Variants in ABCA12 observed in about 807,000 individuals in gnomAD.
The protein encoded by ABCA12 is ATP binding cassette subfamily A member 12, also known as glucosylceramide transporter ABCA12.
In ABCA12, 156 loss-of-function variants were observed where a neutral mutation model predicts 293.5. The ratio of observed to expected loss-of-function variants is 0.53; its 90% CI spans 0.47 to 0.61. The LOEUF (loss-of-function observed/expected upper bound fraction) is 0.61. ABCA12 is among the 20% of genes least tolerant of loss of function. ABCA12 has a pLI of 0.00. For synonymous variants in ABCA12, 1,063 were observed against 1,108.0 expected (o/e 0.96, Z 0.81); for missense variants, 2,797 against 3,090.2 (o/e 0.91, Z 2.25).
chr2:215,125,620 G>A (rs1467210220), intron 1 of ABCA12, among the ~76,000 whole-genome samples: 2 of 151,942 alleles, frequency 1.3e-5, no homozygotes, highest in Non-Finnish European at 2.9e-5. Flanking sequence ...GTGTAGAGAA[G>A]AGCTACTGAT....
chr2:214,988,013 A>G (rs961913278), intron 26 of ABCA12, among the ~76,000 whole-genome samples: 2 of 152,190 alleles, frequency 1.3e-5, no homozygotes, highest in Non-Finnish European at 2.9e-5. Context: ...ACTAAAACTT[A>G]TCTAACTGTA....
chr2:214,981,523 A>G (rs907099425), intron 30 of ABCA12, among the ~76,000 whole-genome samples: 3 of 152,132 alleles, frequency 2.0e-5, no homozygotes, highest in East Asian at 1.9e-4. Context: ...TTGGATTTGC[A>G]TGCTCTCAAA....
At position 215,001,585 on chromosome 2, in the gene ABCA12, G is replaced by A. The variant is rs748846180; in HGVS notation, c.2836C>T (p.Leu946Phe). 1.2e-6 allele frequency: 2 copies of A among 1,613,724 alleles called. No individual in the cohort carries two copies. The highest frequency in any genetic ancestry group is 1.1e-5 in the South Asian group (1 of 91,072). The change falls in exon 21 of 53, where the codon CTC (leucine) becomes TTC (phenylalanine). Residue 946 changes from leucine to phenylalanine, a missense_variant. Physicochemically the swap from Leu to Phe is conservative, Grantham distance 22. This residue lies in a region of ABCA12 where 2,130 missense variants were observed against 2,427.0 expected (regional missense o/e 0.88). Coordinates refer to ENST00000272895, the MANE Select transcript of ABCA12 (RefSeq NM_173076.3). ...IDEMEREAKR[L>F]YKSNELFGSV... ...CCAAAGAGTTCGTTGCTTTTGTAGA[G>A]CCTTTTAGCCTCTCTCTCCATTTCA... is the stretch of plus-strand genomic sequence containing the variant.
rs780924472 is a variant in ABCA12 at position 215,054,591 on chromosome 2, T to C, written c.391A>G (p.Arg131Gly). 2 of 1,611,998 alleles carry C rather than the reference T, an allele frequency of 1.2e-6. No individual in the cohort carries two copies. Among genetic ancestry groups the C allele is most frequent in the Non-Finnish European group, 1.7e-6 (2 of 1,178,448 alleles). Reference protein sequence around the residue: ...LSFQSTQVPERRHASLATVFP... With the variant: ...LSFQSTQVPEGRHASLATVFP... The stretch of plus-strand genomic sequence containing the variant: ...AGCTTACCTAGTGATGCATGCCTTC[T>C]TTCTGGAACTTGGGTGCTCTGGAAT... The change falls in exon 4 of 53, where the codon AGA (arginine) becomes GGA (glycine). Residue 131 changes from arginine (R) to glycine (G), a missense_variant. Around this residue, in one of 3 missense-constraint regions of ABCA12, gnomAD observed 656 missense variants for 638.2 expected, o/e 1.03. Transcript: ENST00000272895.
At position 214,981,968 on chromosome 2, in the gene ABCA12, TATTA is replaced by T. The variant is rs1247632719; in HGVS notation, c.4579+215_4579+218del. Among the ~76,000 whole-genome samples the T allele has an allele frequency of 2.5e-4, 31 of 124,486 alleles. 1 individual carries two copies. The highest frequency in any genetic ancestry group is 8.8e-4 in the African/African-American group (26 of 29,430). 81.7% of individuals were successfully genotyped at this position (124,486 alleles called of 152,430 possible). Reference sequence around the variant, plus strand: ...TTATTATTATTATTATTATTATTATTATTATTATTATTATTATTTTATTATTATT... The same window carrying T: ...TTATTATTATTATTATTATTATTATTTTATTATTATTATTTTATTATTATT... On this transcript the variant is annotated intron_variant, in intron 30 of 52. Transcript: ENST00000272895.
chr2:214,955,260 T>G lies in ABCA12; in HGVS notation c.6335A>C (p.Asn2112Thr). 1 of 1,614,118 alleles carries G rather than the reference T, an allele frequency of 6.2e-7. No homozygotes were observed. The highest frequency in any genetic ancestry group is 8.5e-7 in the Non-Finnish European group (1 of 1,179,980). The change falls in exon 43 of 53, where the codon AAT (asparagine) becomes ACT (threonine). Residue 2112 changes from asparagine to threonine, a missense_variant. By Grantham distance (65) the Asn-to-Thr change is moderately conservative. This residue lies in a region of ABCA12 where 2,130 missense variants were observed against 2,427.0 expected (regional missense o/e 0.88). Transcript: ENST00000272895. ...YVCVNLFFGINSIVSLSVVYF... is the reference protein window; with the variant it reads ...YVCVNLFFGITSIVSLSVVYF... ...TACCACTGACAGGGAAACAATGGAATTAATGCCAAAAAACAAGTTGACACA... is the reference window on the plus strand; with the variant it reads ...TACCACTGACAGGGAAACAATGGAAGTAATGCCAAAAAACAAGTTGACACA...
In ABCA12 at chr2:214,932,087, G is replaced by GTGAC. The variant is rs1220924632; in HGVS notation, c.*543_*546dup. On this transcript the variant is annotated 3_prime_UTR_variant, in exon 53 of 53. Coordinates refer to ENST00000272895, the MANE Select transcript of ABCA12 (RefSeq NM_173076.3). ...CCCCATGCATTCACAGGTACCGAAA[G>GTGAC]TGACATACACATACATTGTAAACAT... 6.4e-6 allele frequency: 1 copy of GTGAC among 157,062 alleles called. No homozygotes were observed. The highest frequency in any genetic ancestry group is 2.6e-5 in the African/African-American group (1 of 38,534). 9.7% of individuals were successfully genotyped at this position (157,062 alleles called of 1,614,324 possible).
At chr2:214,935,523 G>A (rs1698191682) in intron 51 of ABCA12, among the ~76,000 whole-genome samples, 1 of 152,212 alleles carries the variant, frequency 6.6e-6, no homozygotes, top group Non-Finnish European at 1.5e-5. Context: ...TAGGCCGAGT[G>A]TGGTGGCTCA....
rs182421873 is a variant in ABCA12, at chr2:215,030,439, A to C, written c.1061+1382T>G. Among the ~76,000 whole-genome samples the C allele has an allele frequency of 8.2e-3, 1,015 of 123,522 alleles. 20 individuals are homozygous for C. The highest frequency in any genetic ancestry group is 0.036 in the African/African-American group (961 of 26,682). 81.0% of individuals were successfully genotyped at this position (123,522 alleles called of 152,430 possible). On this transcript the variant is annotated intron_variant, in intron 9 of 52. Coordinates refer to ENST00000272895, the MANE Select transcript of ABCA12 (RefSeq NM_173076.3). The stretch of plus-strand genomic sequence containing the variant: ...GAAACCCCGTCTCTACTAACAATAC[A>C]AAAAAAAAAAAAAAATTAGCCAGGC...
In ABCA12 at chr2:214,947,474, C is replaced by G. The variant is rs1266010256; in HGVS notation, c.7187G>C (p.Arg2396Thr). Residue 2396 changes from arginine (R) to threonine (T), a missense_variant, in exon 48 of 53, where the codon AGA (arginine) becomes ACA (threonine). Physicochemically the swap from Arg to Thr is moderately conservative, Grantham distance 71. This residue lies in a region of ABCA12 where 2,130 missense variants were observed against 2,427.0 expected (regional missense o/e 0.88). Transcript: ENST00000272895. ...ATSMCSYGTK[R>T]KLSTALALIG... ...CAAGGCCAGTGCAGTGGATAATTTTCTTTTTGTGCCATAACTGCACATAGA... is the reference window on the plus strand; with the variant it reads ...CAAGGCCAGTGCAGTGGATAATTTTGTTTTTGTGCCATAACTGCACATAGA... The G allele has an allele frequency of 6.2e-7, 1 of 1,613,850 alleles. No individual in the cohort carries two copies. The highest frequency in any genetic ancestry group is 8.5e-7 in the Non-Finnish European group (1 of 1,179,908).
chr2:215,003,224 T>C (rs1214745896), intron 20 of ABCA12, among the ~76,000 whole-genome samples: 1 of 152,190 alleles, frequency 6.6e-6, no homozygotes. Flanking sequence ...TACCCATGGT[T>C]GCATAGCAAC....
At chr2:215,060,355 G>T (rs1048417206) in intron 3 of ABCA12, among the ~76,000 whole-genome samples, 1 of 152,030 alleles carries the variant, frequency 6.6e-6, no homozygotes, top group African/African-American at 2.4e-5. Context: ...ATGAATGGTT[G>T]TGCTTACATA....
intron 2 of ABCA12, among the ~76,000 whole-genome samples, chr2:215,073,734 T>C (rs1701782657): frequency 6.6e-6 from 1 of 152,236 alleles, no homozygotes; most frequent in South Asian, 2.1e-4. Context: ...CATAGTTAAC[T>C]GTGTTGCTGA....
At chr2:215,030,814 A>G (rs1418889580) in intron 9 of ABCA12, among the ~76,000 whole-genome samples, 1 of 152,206 alleles carries the variant, frequency 6.6e-6, no homozygotes, top group African/African-American at 2.4e-5. Context: ...AATAATAGAA[A>G]GTTTGTAAAC....
intron 1 of ABCA12, among the ~76,000 whole-genome samples, chr2:215,113,564 A>T (rs1415596689): frequency 1.3e-5 from 2 of 152,200 alleles, no homozygotes; most frequent in East Asian, 3.9e-4. Context: ...CTGCACTTTG[A>T]GGAGAGTGGA....
intron 39 of ABCA12, among the ~76,000 whole-genome samples, chr2:214,964,807 G>A (rs1699214348): frequency 6.6e-6 from 1 of 152,110 alleles, no homozygotes; most frequent in Admixed American, 6.5e-5. Flanking sequence ...ACTGCCCAAA[G>A]TAATTTACAG....
chr2:214,993,187 T>C (rs1178817034), intron 23 of ABCA12, among the ~76,000 whole-genome samples: 2 of 152,200 alleles, frequency 1.3e-5, no homozygotes, highest in Non-Finnish European at 2.9e-5. Context: ...CTTTCCCTCT[T>C]AACTTTGCCC....
At chr2:215,124,647 G>C (rs1702883563) in intron 1 of ABCA12, among the ~76,000 whole-genome samples, 1 of 152,056 alleles carries the variant, frequency 6.6e-6, no homozygotes. Flanking sequence ...TTTTTGATGG[G>C]ATTGTTTGTT....
intron 2 of ABCA12, among the ~76,000 whole-genome samples, chr2:215,088,183 G>A (rs1201563975): frequency 6.6e-6 from 1 of 152,164 alleles, no homozygotes; most frequent in East Asian, 1.9e-4. Context: ...TTTCTGTTTA[G>A]GAAAATAACT....
Sources: allele counts gnomAD v4.1 joint callset (sites outside exome capture counted in the v4.1 genomes callset), GRCh38; gene constraint gnomAD v4.1.1; regional missense constraint gnomAD v4.1.1; transcripts MANE v1.5; gene names NCBI Gene and HGNC (gene_info 2026-07-23, HGNC 2026-07-21).